Variants in MTUS2 observed in about 807,000 individuals in gnomAD.
The protein encoded by MTUS2 is microtubule-associated tumor suppressor candidate 2.
In MTUS2, 40 loss-of-function variants were observed where a neutral mutation model predicts 114.1. The observed-to-expected ratio is 0.35, with a 90% CI of 0.27 to 0.46. The LOEUF (loss-of-function observed/expected upper bound fraction) is 0.46. MTUS2 is among the 20% of genes least tolerant of loss of function. The pLI is 1.00. For missense variants in MTUS2, 1,679 were observed against 1,705.4 expected, an observed-to-expected ratio of 0.98 and a Z score of 0.27; for synonymous variants, 688 against 672.0, an observed-to-expected ratio of 1.02 and a Z score of -0.37.
At chr13:29,143,104 C>T (rs976482769) in intron 5 of MTUS2, among the ~76,000 whole-genome samples, 10 of 152,158 alleles carry the variant, frequency 6.6e-5, no homozygotes, top group Admixed American at 3.3e-4. Context: ...GTAGGATGCT[C>T]AGCAGCAATA....
chr13:29,087,987 A>G (rs1365484894), intron 4 of MTUS2, among the ~76,000 whole-genome samples: 1 of 147,842 alleles, frequency 6.8e-6, no homozygotes, highest in Non-Finnish European at 1.5e-5. Flanking sequence ...TGAACCTGGG[A>G]GGCGGAGCTT....
intron 2 of MTUS2, among the ~76,000 whole-genome samples, chr13:28,853,360 CT>C (rs1186906290): frequency 6.6e-6 from 1 of 152,250 alleles, no homozygotes; most frequent in Non-Finnish European, 1.5e-5. Flanking sequence ...ACATATTCCT[CT>C]TCTCTAGAAC....
chr13:29,474,626 G>A (rs997053311), intron 9 of MTUS2, among the ~76,000 whole-genome samples: 6 of 151,962 alleles, frequency 3.9e-5, no homozygotes, highest in Non-Finnish European at 7.4e-5. Flanking sequence ...AATATATTAC[G>A]GAGGTCATTC....
intron 1 of MTUS2, among the ~76,000 whole-genome samples, chr13:28,830,256 A>ACACAAG (rs1458188816): frequency 2.0e-5 from 3 of 152,310 alleles, no homozygotes; most frequent in African/African-American, 7.2e-5. Context: ...ATTTCCACAC[A>ACACAAG]CACAAGCAGT....
intron 2 of MTUS2, among the ~76,000 whole-genome samples, chr13:28,916,340 G>C (rs140867892): frequency 6.6e-6 from 1 of 151,738 alleles, no homozygotes; most frequent in Non-Finnish European, 1.5e-5. Flanking sequence ...GAAAAATGTC[G>C]TTGGTATTTT....
intron 5 of MTUS2, among the ~76,000 whole-genome samples, chr13:29,215,498 C>CT (rs1895643606): frequency 1.5e-5 from 2 of 131,554 alleles, no homozygotes; most frequent in African/African-American, 6.1e-5. Flanking sequence ...TTTTTTTTCC[C>CT]CATCTTTGTG....
chr13:29,430,160 A>G (rs1455126974), intron 8 of MTUS2, among the ~76,000 whole-genome samples: 1 of 152,206 alleles, frequency 6.6e-6, no homozygotes, highest in Non-Finnish European at 1.5e-5. Flanking sequence ...AAGACTTACA[A>G]CAATAATTAC....
intron 2 of MTUS2, among the ~76,000 whole-genome samples, chr13:28,933,578 A>G (rs916550740): frequency 1.3e-5 from 2 of 152,148 alleles, no homozygotes; most frequent in Admixed American, 6.5e-5. Flanking sequence ...AACCATCACA[A>G]CATATATTAA....
At chr13:28,850,207 C>G (rs1046348125) in intron 2 of MTUS2, among the ~76,000 whole-genome samples, 20 of 152,304 alleles carry the variant, frequency 1.3e-4, no homozygotes, top group African/African-American at 4.8e-4. Context: ...TGAAGGAGTA[C>G]TTTTATATTG....
chr13:29,472,864 T>A (rs1880421258), intron 9 of MTUS2, among the ~76,000 whole-genome samples: 1 of 152,198 alleles, frequency 6.6e-6, no homozygotes, highest in Non-Finnish European at 1.5e-5. Flanking sequence ...TATTAAGAAT[T>A]CACACCACTG....
At chr13:29,043,984 C>G (rs185472609) in intron 4 of MTUS2, among the ~76,000 whole-genome samples, 1 of 152,176 alleles carries the variant, frequency 6.6e-6, no homozygotes, top group Non-Finnish European at 1.5e-5. Flanking sequence ...TGTCAACACT[C>G]AGTTTTCTTT....
chr13:29,382,565 T>C (rs1872295716), intron 8 of MTUS2, among the ~76,000 whole-genome samples: 1 of 152,206 alleles, frequency 6.6e-6, no homozygotes, highest in Non-Finnish European at 1.5e-5. Context: ...AACTGAGTTC[T>C]TAGACTGTAC....
At position 29,498,156 on chromosome 13, in the gene MTUS2, A is replaced by G. The variant is rs183657284; in HGVS notation, c.3679-262A>G. Among the ~76,000 whole-genome samples the G allele has an allele frequency of 4.3e-3, 656 of 152,278 alleles. 6 individuals carry two copies. The highest frequency in any genetic ancestry group is 0.015 in the African/African-American group (621 of 41,562). On this transcript the variant is annotated intron_variant, in intron 13 of 15. Coordinates refer to ENST00000612955, the MANE Select transcript of MTUS2 (RefSeq NM_001033602.4). ...GGGCACAGGCTGGCAGCCCCCAGCA[A>G]TTCTGGAGTCAGACTTGCCAGTGGT...
chr13:29,307,259 C>T (rs1330149504), intron 6 of MTUS2: 5 of 637,646 alleles, frequency 7.8e-6, no homozygotes, highest in Admixed American at 6.4e-5. Context: ...GCACCCCTGG[C>T]CAAAGTCATC....
At chr13:28,820,055 CCGCGGACGGCACCT>C (rs1195365453), upstream of MTUS2, among the ~76,000 whole-genome samples, 2 of 146,996 alleles carry the variant, frequency 1.4e-5, no homozygotes, top group African/African-American at 4.9e-5. Context: ...GCCACTGTCA[CCGCGGACGGCACCT>C]CGCGGGCGAG....
intron 5 of MTUS2, 92 bp from the exon 6 acceptor site, chr13:29,281,612 G>A: frequency 7.4e-7 from 1 of 1,354,020 alleles, no homozygotes; most frequent in Non-Finnish European, 1.0e-6. Flanking sequence ...TAAAGCAGAT[G>A]ACGGCAGTAG....
chr13:29,306,161 A>G (rs1899446240), intron 6 of MTUS2, among the ~76,000 whole-genome samples: 2 of 152,226 alleles, frequency 1.3e-5, no homozygotes, highest in Non-Finnish European at 2.9e-5. Context: ...ACCATATATG[A>G]CAAATGCACA....
chr13:28,889,167 G>T (rs1878771715), intron 2 of MTUS2, among the ~76,000 whole-genome samples: 1 of 152,148 alleles, frequency 6.6e-6, no homozygotes, highest in Admixed American at 6.5e-5. Flanking sequence ...GCTGTTCCCT[G>T]GAGGTGTAGC....
chr13:29,060,045 A>G lies in MTUS2; in HGVS notation c.2446+25920A>G, dbSNP rs77251539. ...TGCCATTTGAGTGCTTCCTGGAACAACAGGAGGCTGCAGCTGCCAGCCAAG... is the reference window on the plus strand; with the variant it reads ...TGCCATTTGAGTGCTTCCTGGAACAGCAGGAGGCTGCAGCTGCCAGCCAAG... On this transcript the variant is annotated intron_variant, in intron 4 of 15. Coordinates refer to ENST00000612955, the MANE Select transcript of MTUS2 (RefSeq NM_001033602.4). Among the ~76,000 whole-genome samples, 229 of 152,356 alleles carry G rather than the reference A, an allele frequency of 1.5e-3. 2 individuals are homozygous for G. The highest frequency in any genetic ancestry group is 5.3e-3 in the African/African-American group (221 of 41,590).
Sources: gnomAD v4.1 joint callset for allele counts (sites outside exome capture counted in the v4.1 genomes callset) on GRCh38, gnomAD v4.1.1 for gene constraint, MANE v1.5 for transcripts, NCBI Gene and HGNC (gene_info 2026-07-23, HGNC 2026-07-21) for gene names.